The following RYR2 variants were observed in gnomAD, a reference collection of about 807,000 sequenced individuals.
The protein encoded by RYR2 is ryanodine receptor 2, also known as cardiac muscle ryanodine receptor-calcium release channel.
In RYR2, 227 loss-of-function variants were observed where a neutral mutation model predicts 601.1. The ratio of observed to expected loss-of-function variants is 0.38; its 90% CI spans 0.34 to 0.42. The LOEUF is 0.42. RYR2 is among the 10% of genes least tolerant of loss of function. The pLI is 1.00. For synonymous variants in RYR2, 2,223 were observed against 2,175.1 expected, an observed-to-expected ratio of 1.02 and a Z score of -0.61; for missense variants, 4,646 against 6,156.5, an observed-to-expected ratio of 0.75 and a Z score of 8.21.
chr1:237,652,763 T>C (rs1297241413), intron 51 of RYR2, among the ~76,000 whole-genome samples: 2 of 152,212 alleles, frequency 1.3e-5, no homozygotes, highest in East Asian at 1.9e-4. Context: ...AGTCTCATGC[T>C]GTTACCCTTA....
At chr1:237,269,343 A>G (rs1320530042) in intron 1 of RYR2, among the ~76,000 whole-genome samples, 2 of 151,806 alleles carry the variant, frequency 1.3e-5, no homozygotes, top group African/African-American at 2.4e-5. Context: ...GCGCCCGGCC[A>G]TATAGCATAT....
At chr1:237,720,010 G>A (rs955931269) in intron 73 of RYR2, among the ~76,000 whole-genome samples, 1 of 152,190 alleles carries the variant, frequency 6.6e-6, no homozygotes, top group African/African-American at 2.4e-5. Context: ...AAACATGGAT[G>A]GAAATCGATA....
intron 41 of RYR2, among the ~76,000 whole-genome samples, chr1:237,631,020 A>T (rs1680185386): frequency 6.6e-6 from 1 of 152,228 alleles, no homozygotes; most frequent in South Asian, 2.1e-4. Context: ...TATAAATACT[A>T]GCAACAGCAT....
rs184632841 is a variant in RYR2, at chr1:237,221,102, A to C, written c.49-49395A>C. Among the ~76,000 whole-genome samples the C allele has an allele frequency of 4.9e-3, 744 of 151,858 alleles. 28 individuals are homozygous for C. Among genetic ancestry groups the C allele is most frequent in the Admixed American group, 0.036 (554 of 15,228 alleles). On this transcript the variant is annotated intron_variant, in intron 1 of 104. Transcript: ENST00000366574. ...CAGAGTGAGATTCTGTCTCAAAAAAACCCCCCAAAACAAAACAACAACAAC... is the reference window on the plus strand; with the variant it reads ...CAGAGTGAGATTCTGTCTCAAAAAACCCCCCCAAAACAAAACAACAACAAC...
intron 97 of RYR2, among the ~76,000 whole-genome samples, chr1:237,798,937 A>T (rs773462689): frequency 1.3e-5 from 2 of 152,200 alleles, no homozygotes; most frequent in Non-Finnish European, 2.9e-5. Context: ...TGGAAGAAAC[A>T]TAATACTTTC....
intron 27 of RYR2, among the ~76,000 whole-genome samples, chr1:237,551,944 T>G (rs1307610372): frequency 3.3e-5 from 5 of 152,176 alleles, no homozygotes; most frequent in Non-Finnish European, 7.3e-5. Context: ...AGGTGTAGGA[T>G]CCTAATCATA....
At chr1:237,448,093 A>AT (rs903349149) in intron 14 of RYR2, among the ~76,000 whole-genome samples, 41 of 151,736 alleles carry the variant, frequency 2.7e-4, no homozygotes, top group African/African-American at 8.2e-4. Context: ...CTCCTGGCTA[A>AT]TTTTTTTATT....
At chr1:237,811,765 C>A (rs1180967884) in intron 100 of RYR2, among the ~76,000 whole-genome samples, 2 of 152,152 alleles carry the variant, frequency 1.3e-5, no homozygotes, top group Non-Finnish European at 2.9e-5. Flanking sequence ...TCATATTGTT[C>A]ATGTGAAAAT....
intron 1 of RYR2, among the ~76,000 whole-genome samples, chr1:237,127,452 C>T (rs192647385): frequency 0.022 from 3,373 of 150,546 alleles, 63 homozygotes; most frequent in African/African-American, 0.045. Context: ...GGGCGGCTGG[C>T]CGGGCAGGGG....
chr1:237,434,266 T>C (rs1426245436), intron 12 of RYR2, among the ~76,000 whole-genome samples: 1 of 152,146 alleles, frequency 6.6e-6, no homozygotes, highest in African/African-American at 2.4e-5. Context: ...TCAATTGTCA[T>C]TGGGGTGTCT....
intron 2 of RYR2, among the ~76,000 whole-genome samples, chr1:237,298,616 G>C (rs1693041774): frequency 6.6e-6 from 1 of 152,064 alleles, no homozygotes; most frequent in South Asian, 2.1e-4. Context: ...CAAGAGACCA[G>C]TACCACTGTA....
intron 62 of RYR2, among the ~76,000 whole-genome samples, chr1:237,685,856 A>T (rs1180759788): frequency 6.6e-6 from 1 of 152,082 alleles, no homozygotes. Context: ...TTTTGTTCTG[A>T]TAAGAAATTC....
chr1:237,419,778 TTAAAC>T (rs745394650), intron 11 of RYR2, among the ~76,000 whole-genome samples: 4 of 152,218 alleles, frequency 2.6e-5, no homozygotes, highest in Non-Finnish European at 4.4e-5. Flanking sequence ...TACTGACTCT[TTAAAC>T]TACTTTGGCT....
intron 12 of RYR2, among the ~76,000 whole-genome samples, chr1:237,434,821 A>C (rs1001393745): frequency 1.3e-5 from 2 of 152,110 alleles, no homozygotes; most frequent in African/African-American, 2.4e-5. Context: ...TGTCACTCAG[A>C]CTGGAGTGCA....
At chr1:237,135,232 T>G (rs2148722354) in intron 1 of RYR2, among the ~76,000 whole-genome samples, 1 of 152,310 alleles carries the variant, frequency 6.6e-6, no homozygotes, top group African/African-American at 2.4e-5. Flanking sequence ...TCCAGTTATC[T>G]TGTAATAGAA....
intron 1 of RYR2, among the ~76,000 whole-genome samples, chr1:237,238,307 C>T (rs942255756): frequency 6.6e-6 from 1 of 152,100 alleles, no homozygotes; most frequent in Non-Finnish European, 1.5e-5. Flanking sequence ...TTGAGTCCAC[C>T]TATGACCTGG....
At chr1:237,262,254 T>G (rs1286855759) in intron 1 of RYR2, among the ~76,000 whole-genome samples, 25 of 133,832 alleles carry the variant, frequency 1.9e-4, no homozygotes, top group African/African-American at 7.0e-4. Context: ...AGTTTTTTTT[T>G]TTTTTTTTTT....
At chr1:237,374,245 G>A (rs1700854156) in intron 6 of RYR2, among the ~76,000 whole-genome samples, 1 of 152,100 alleles carries the variant, frequency 6.6e-6, no homozygotes, top group Non-Finnish European at 1.5e-5. Context: ...ACGATGGCTG[G>A]TCACTGTGGC....
Position 237,819,314 on chromosome 1 carries a change from T to C in RYR2, c.14590+122T>C, listed in dbSNP as rs1023276389. 8.8e-6 allele frequency: 8 copies of C among 907,784 alleles called. No individual in the cohort carries two copies. Among genetic ancestry groups the C allele is most frequent in the South Asian group, 4.8e-5 (3 of 62,490 alleles). The allele number at this position is 907,784 out of a possible 1,614,324, so 56.2% of individuals were successfully genotyped here. A position where few individuals can be genotyped will look rare whatever the true frequency, so the allele number is the denominator to read the frequency against. ...TCCTGGCAAAGCCAAATCAAACTTT[T>C]CCTTCCAGTATTTCTTCATCATGCA... is the stretch of plus-strand genomic sequence containing the variant. On this transcript the variant is annotated intron_variant, in intron 101 of 104. Transcript: ENST00000366574. This position sits in a 1 kb window ranked among gnomAD's most constrained non-coding sequence, Gnocchi z 4.0.
Sources: allele counts gnomAD v4.1 joint callset (sites outside exome capture counted in the v4.1 genomes callset), GRCh38; gene constraint gnomAD v4.1.1; non-coding constraint Gnocchi (gnomAD v3.1); transcripts MANE v1.5; gene names NCBI Gene and HGNC (gene_info 2026-07-23, HGNC 2026-07-21).